CTSH: variants seen among roughly 807,000 people sequenced by gnomAD.
The protein encoded by CTSH is pro-cathepsin H.
A neutral mutation model predicts 56.3 loss-of-function variants in CTSH; 52 were observed. The observed-to-expected ratio is 0.92, with a 90% CI of 0.74 to 1.16. The LOEUF (loss-of-function observed/expected upper bound fraction) is 1.16. CTSH is among the 50% of genes most tolerant of loss of function. The probability of loss-of-function intolerance (pLI) is 0.00; values close to 1 mark genes in which losing one functional copy is unlikely to be tolerated. For missense variants in CTSH, 406 were observed against 424.5 expected (o/e 0.96, Z 0.38); for synonymous variants, 174 against 155.7 (o/e 1.12, Z -0.88).
intron 1 of CTSH, 175 bp downstream of exon 1, chr15:78,944,716 C>G: frequency 2.4e-6 from 3 of 1,237,636 alleles, no homozygotes; most frequent in Non-Finnish European, 3.1e-6. Context: ...CCTCCGAGAA[C>G]CCCCGCCTAT....
chr15:78,922,906 G>A (rs1404244201), intron 11 of CTSH, 87 bp downstream of exon 11: 26 of 1,487,042 alleles, frequency 1.7e-5, no homozygotes, highest in Non-Finnish European at 2.3e-5. Flanking sequence ...TGTGGAAGCC[G>A]TAACTCTGAG....
At chr15:78,923,606 T>C (rs1337633297) in intron 10 of CTSH, among the ~76,000 whole-genome samples, 1 of 152,100 alleles carries the variant, frequency 6.6e-6, no homozygotes, top group Non-Finnish European at 1.5e-5. Flanking sequence ...TTCTTTTGGT[T>C]CTTCTGCTTC....
intron 1 of CTSH, among the ~76,000 whole-genome samples, chr15:78,940,454 T>C (rs924604076): frequency 1.3e-5 from 2 of 151,866 alleles, no homozygotes; most frequent in Non-Finnish European, 2.9e-5. Context: ...GGAGAATCAC[T>C]TGAGCCTGGG....
At chr15:78,931,837 G>C in intron 6 of CTSH, 1 of 1,286,658 alleles carries the variant, frequency 7.8e-7, no homozygotes, top group African/African-American at 1.5e-5. Flanking sequence ...TAGGATGGGG[G>C]AAACAGGCCC....
At position 78,921,974 on chromosome 15, in the gene CTSH, T is replaced by C. The variant is rs1443997710; in HGVS notation, c.*156A>G. 5 of 648,570 alleles carry C rather than the reference T, an allele frequency of 7.7e-6. No homozygotes were observed. Among genetic ancestry groups the C allele is most frequent in the Non-Finnish European group, 8.0e-6 (3 of 374,742 alleles). 40.2% of individuals were successfully genotyped at this position (648,570 alleles called of 1,614,324 possible). On this transcript the variant is annotated 3_prime_UTR_variant, in exon 12 of 12. Coordinates refer to ENST00000220166, the MANE Select transcript of CTSH (RefSeq NM_004390.5). ...GTGAGCTCATGGTGGAACTCCTCCT[T>C]GTCTGTAGGTTTCCAGGCTGGGCAC...
In CTSH at chr15:78,925,384, G is replaced by T. The variant is rs546822356; in HGVS notation, c.756C>A (p.Ala252=). 1 of 1,613,860 alleles carries T rather than the reference G, an allele frequency of 6.2e-7. No individual in the cohort carries two copies. The highest frequency in any genetic ancestry group is 8.5e-7 in the Non-Finnish European group (1 of 1,179,882). The change falls in exon 10 of 12, where the codon GCC becomes GCA. Residue 252 remains alanine (A), a synonymous_variant. Coordinates refer to ENST00000220166, the MANE Select transcript of CTSH (RefSeq NM_004390.5). ...TCATGAAGTCCTGAGTCACCTCAAA[G>T]GCAAAGCTCACAGGGTTGTAGAGGG... ...AVALYNPVSF[A]FEVTQDFMMY...
chr15:78,940,618 T>G (rs767044943), intron 1 of CTSH, among the ~76,000 whole-genome samples: 27 of 152,134 alleles, frequency 1.8e-4, no homozygotes, highest in Non-Finnish European at 2.6e-4. Context: ...AATACCATGA[T>G]GATTTGATAT....
chr15:78,929,716 G>C (rs889791951), intron 7 of CTSH, among the ~76,000 whole-genome samples: 2 of 152,144 alleles, frequency 1.3e-5, no homozygotes, highest in African/African-American at 2.4e-5. Flanking sequence ...TGCCTCAGTG[G>C]GATAGAGACC....
rs1157515696 is a variant in CTSH at position 78,925,328 on chromosome 15, A to G, written c.806+6T>C. 6 of 1,583,742 alleles carry G rather than the reference A, an allele frequency of 3.8e-6. No individual in the cohort carries two copies. The highest frequency in any genetic ancestry group is 4.3e-6 in the Non-Finnish European group (5 of 1,152,954). On this transcript the variant is annotated splice_donor_region_variant and intron_variant, in intron 10 of 11. Transcript: ENST00000220166. ...GTCCCTCCTGGCTCCTGGGACCCTG[A>G]CTCACCTGGAGTAGATGCCGGTTCT...
Position 78,923,110 on chromosome 15 carries a change from C to T in CTSH, c.815G>A (p.Cys272Tyr). The change falls in exon 11 of 12, where the codon TGC (cysteine) becomes TAC (tyrosine). Residue 272 changes from cysteine to tyrosine, a missense_variant. Physicochemically the swap from Cys to Tyr is radical, Grantham distance 194 (BLOSUM62 -2). Coordinates refer to ENST00000220166, the MANE Select transcript of CTSH (RefSeq NM_004390.5). ...GTTTACTTTATCTGGAGTTTTATGG[C>T]AGGAAGTACTGGAAAACAAAATTCA... ...YRTGIYSSTS[C>Y]HKTPDKVNHA... The T allele has an allele frequency of 6.2e-7, 1 of 1,612,356 alleles. No homozygotes were observed. The highest frequency in any genetic ancestry group is 8.5e-7 in the Non-Finnish European group (1 of 1,179,584).
Position 78,921,444 on chromosome 15 carries a change from AG to A in CTSH, c.*685del, listed in dbSNP as rs1357958387. Reference sequence around the variant, plus strand: ...TGGAGGTGGGGGGCAGAGTCTGAGTAGGAGTAGGCAGCTGAGACTGGGGAGG... The same window carrying A: ...TGGAGGTGGGGGGCAGAGTCTGAGTAGAGTAGGCAGCTGAGACTGGGGAGG... On this transcript the variant is annotated 3_prime_UTR_variant, in exon 12 of 12. Transcript: ENST00000220166. 6.6e-6 allele frequency: 1 copy of A among 152,282 alleles called. No individual in the cohort carries two copies. The highest frequency in any genetic ancestry group is 1.5e-5 in the Non-Finnish European group (1 of 68,106). The allele number at this position is 152,282 out of a possible 1,614,324, so 9.4% of individuals were successfully genotyped here.
At chr15:78,938,564 A>G (rs1332446108) in intron 2 of CTSH, among the ~76,000 whole-genome samples, 1 of 152,112 alleles carries the variant, frequency 6.6e-6, no homozygotes, top group Non-Finnish European at 1.5e-5. Flanking sequence ...AATGACCTCC[A>G]GTTCCATCCA....
Position 78,921,384 on chromosome 15 carries a change from A to C in CTSH, c.*746T>G, listed in dbSNP as rs1428570735. On this transcript the variant is annotated 3_prime_UTR_variant, in exon 12 of 12. Transcript: ENST00000220166. ...GCATCTGGGCACGTTTGAAATAAATAAGGGGTTGGTGAGGAAGGGGTGGGC... is the reference window on the plus strand; with the variant it reads ...GCATCTGGGCACGTTTGAAATAAATCAGGGGTTGGTGAGGAAGGGGTGGGC... 6.6e-6 allele frequency: 1 copy of C among 152,202 alleles called. No individual in the cohort carries two copies. Among genetic ancestry groups the C allele is most frequent in the East Asian group, 1.9e-4 (1 of 5,180 alleles). The allele number at this position is 152,202 out of a possible 1,614,324, so 9.4% of individuals were successfully genotyped here. A position where few individuals can be genotyped will look rare whatever the true frequency, so the allele number is the denominator to read the frequency against.
chr15:78,939,453 T>C (rs1192997501), intron 1 of CTSH, among the ~76,000 whole-genome samples: 1 of 152,242 alleles, frequency 6.6e-6, no homozygotes, highest in Non-Finnish European at 1.5e-5. Flanking sequence ...ACTTCCGGGA[T>C]GCTGCTCATA....
intron 9 of CTSH, chr15:78,926,568 C>T (rs1033950682): frequency 3.3e-5 from 5 of 152,272 alleles, no homozygotes; most frequent in African/African-American, 1.2e-4. Flanking sequence ...TTCACCTGTC[C>T]TTGGGATATC....
chr15:78,943,231 C>T (rs752672027), intron 1 of CTSH, among the ~76,000 whole-genome samples: 6 of 151,774 alleles, frequency 4.0e-5, no homozygotes, highest in Non-Finnish European at 7.4e-5. Context: ...CAGCAGGTTT[C>T]AGGAAAGTAC....
intron 6 of CTSH, 148 bp from the exon 7 acceptor site, chr15:78,931,654 G>A (rs2055064032): frequency 4.6e-6 from 7 of 1,514,324 alleles, no homozygotes; most frequent in South Asian, 1.2e-5. Flanking sequence ...CCAAGGGCAG[G>A]GACAGTTGCT....
chr15:78,943,567 C>A (rs780494167), intron 1 of CTSH, among the ~76,000 whole-genome samples: 1 of 152,174 alleles, frequency 6.6e-6, no homozygotes, highest in Non-Finnish European at 1.5e-5. Flanking sequence ...GGGCTACAAA[C>A]GGTTTCTTAC....
At chr15:78,941,715 G>C (rs905728915) in intron 1 of CTSH, among the ~76,000 whole-genome samples, 23 of 142,442 alleles carry the variant, frequency 1.6e-4, no homozygotes, top group Non-Finnish European at 2.9e-4. Flanking sequence ...AGAATGGCGT[G>C]AACCCGGGAG....
Sources: gnomAD v4.1 joint callset for allele counts (sites outside exome capture counted in the v4.1 genomes callset) on GRCh38, gnomAD v4.1.1 for gene constraint, MANE v1.5 for transcripts, NCBI Gene and HGNC (gene_info 2026-07-23, HGNC 2026-07-21) for gene names.